The following ADCY8 variants were observed in gnomAD, a reference collection of about 807,000 sequenced individuals.
The protein encoded by ADCY8 is adenylate cyclase 8, also known as adenylate cyclase type 8.
In ADCY8, 51 loss-of-function variants were observed where a neutral mutation model predicts 119.7. The ratio of observed to expected loss-of-function variants is 0.43; its 90% CI spans 0.34 to 0.54. The LOEUF (loss-of-function observed/expected upper bound fraction) is 0.54, where lower values mean the gene tolerates loss of function less well. ADCY8 is among the 20% of genes least tolerant of loss of function. ADCY8 has a pLI of 0.03. For synonymous variants in ADCY8, 665 were observed against 651.0 expected, an observed-to-expected ratio of 1.02 and a Z score of -0.33; for missense variants, 1,383 against 1,598.8, an observed-to-expected ratio of 0.87 and a Z score of 2.30.
intron 9 of ADCY8, among the ~76,000 whole-genome samples, chr8:130,850,636 AG>A (rs970100928): frequency 6.6e-6 from 1 of 152,188 alleles, no homozygotes; most frequent in African/African-American, 2.4e-5. Context: ...CAGGTGTTAA[AG>A]GGTACCTTGA....
At chr8:131,006,727 A>G (rs1458291928) in intron 1 of ADCY8, among the ~76,000 whole-genome samples, 1 of 152,182 alleles carries the variant, frequency 6.6e-6, no homozygotes, top group Admixed American at 6.5e-5. Context: ...GGCAGGAAAC[A>G]CAAATAACAA....
chr8:130,833,907 T>C (rs1263319277), intron 12 of ADCY8, among the ~76,000 whole-genome samples: 1 of 152,078 alleles, frequency 6.6e-6, no homozygotes, highest in Non-Finnish European at 1.5e-5. Flanking sequence ...TGACATGAAA[T>C]TGAGGAGCTT....
At chr8:130,812,215 C>T (rs1282376132) in intron 14 of ADCY8, among the ~76,000 whole-genome samples, 1 of 152,162 alleles carries the variant, frequency 6.6e-6, no homozygotes, top group Admixed American at 6.5e-5. Context: ...GACTAGGTTA[C>T]ACTTAAAACT....
Position 131,011,557 on chromosome 8 carries a change from C to T in ADCY8, c.961-21015G>A, listed in dbSNP as rs576071452. ...TGGGACAGCAAGGGCTCTGCTTTAA[C>T]AACATTTAAGAGTGTTTCTTCTAAG... On this transcript the variant is annotated intron_variant, in intron 1 of 17. Coordinates refer to ENST00000286355, the MANE Select transcript of ADCY8 (RefSeq NM_001115.3). Among the ~76,000 whole-genome samples the T allele has an allele frequency of 2.6e-5, 4 of 152,288 alleles. No homozygotes were observed. In the East Asian group the frequency reaches 7.7e-4, roughly 29 times the overall value.
chr8:130,854,848 C>CCT (rs1482311252), intron 9 of ADCY8, among the ~76,000 whole-genome samples: 942 of 85,516 alleles, frequency 0.011, 32 homozygotes, highest in African/African-American at 0.018. Context: ...CCTTCCTTCC[C>CCT]TCCCTCCCTC....
rs1486746745 is a variant in ADCY8 at position 130,966,807 on chromosome 8, G to T, written c.1111-14809C>A. Among the ~76,000 whole-genome samples, 3 of 152,308 alleles carry T rather than the reference G, an allele frequency of 2.0e-5. No homozygotes were observed. The South Asian group carries it at 6.2e-4, about 32-fold the overall frequency. The stretch of plus-strand genomic sequence containing the variant: ...TAATAACATCTATTTTATAGGGTTG[G>T]TGTGGGATTAAATCAGTTAATATTT... On this transcript the variant is annotated intron_variant, in intron 2 of 17. Coordinates refer to ENST00000286355, the MANE Select transcript of ADCY8 (RefSeq NM_001115.3).
chr8:130,886,122 A>G (rs1034618077), intron 7 of ADCY8, among the ~76,000 whole-genome samples: 18 of 152,046 alleles, frequency 1.2e-4, no homozygotes, highest in African/African-American at 3.9e-4. Flanking sequence ...TTTAACCTTC[A>G]TGAAGGTAAT....
At chr8:130,901,235 CCCT>C (rs1158505793) in intron 7 of ADCY8, among the ~76,000 whole-genome samples, 11 of 142,062 alleles carry the variant, frequency 7.7e-5, no homozygotes, top group Non-Finnish European at 1.5e-4. Flanking sequence ...TTTTCCCCAT[CCCT>C]CCTCTTTTTT....
chr8:130,953,243 T>C (rs1249384849), intron 2 of ADCY8, among the ~76,000 whole-genome samples: 1 of 152,212 alleles, frequency 6.6e-6, no homozygotes, highest in African/African-American at 2.4e-5. Context: ...GGCATATCAC[T>C]ATAGAGAGAT....
chr8:130,891,797 A>C (rs1193307241), intron 7 of ADCY8, among the ~76,000 whole-genome samples: 1 of 152,148 alleles, frequency 6.6e-6, no homozygotes, highest in East Asian at 1.9e-4. Flanking sequence ...ACCCTGTCTT[A>C]TAACAAGTTT....
chr8:130,927,776 A>G (rs1586579005), intron 5 of ADCY8, among the ~76,000 whole-genome samples: 1 of 152,018 alleles, frequency 6.6e-6, no homozygotes, highest in African/African-American at 2.4e-5. Context: ...TTCCTTTCCA[A>G]TTTAGATGCC....
intron 7 of ADCY8, among the ~76,000 whole-genome samples, chr8:130,901,705 T>C (rs1819609118): frequency 6.6e-6 from 1 of 152,164 alleles, no homozygotes; most frequent in African/African-American, 2.4e-5. Context: ...TCCAAAATAT[T>C]ATTGGTGGCA....
At chr8:130,832,588 A>G (rs1816871374) in intron 12 of ADCY8, among the ~76,000 whole-genome samples, 1 of 152,166 alleles carries the variant, frequency 6.6e-6, no homozygotes, top group Non-Finnish European at 1.5e-5. Flanking sequence ...TATTGATTTC[A>G]TTCCATTGAT....
chr8:130,960,836 T>C (rs2130682190), intron 2 of ADCY8, among the ~76,000 whole-genome samples: 1 of 152,276 alleles, frequency 6.6e-6, no homozygotes, highest in South Asian at 2.1e-4. Flanking sequence ...TATGATCATA[T>C]GTCCAGTGTC....
intron 13 of ADCY8, among the ~76,000 whole-genome samples, chr8:130,816,457 G>A (rs770460517): frequency 1.6e-4 from 20 of 121,278 alleles, no homozygotes; most frequent in African/African-American, 2.6e-4. Flanking sequence ...ACAGAGTCTC[G>A]CTCTGTCGCC....
chr8:130,798,508 G>A (rs1815658770), intron 15 of ADCY8, among the ~76,000 whole-genome samples: 1 of 152,170 alleles, frequency 6.6e-6, no homozygotes, highest in East Asian at 1.9e-4. Context: ...CTGGCCAGGT[G>A]GCCTGCAGTA....
At chr8:131,000,201 C>T (rs193083770) in intron 1 of ADCY8, among the ~76,000 whole-genome samples, 5 of 152,160 alleles carry the variant, frequency 3.3e-5, no homozygotes, top group African/African-American at 9.6e-5. Flanking sequence ...GAATTGGGTA[C>T]AGGAGGGTGG....
chr8:130,973,977 T>C (rs558148108), intron 2 of ADCY8, among the ~76,000 whole-genome samples: 10 of 152,360 alleles, frequency 6.6e-5, no homozygotes, highest in African/African-American at 2.4e-4. Context: ...ACAATGCAGA[T>C]GACAGAACCA....
intron 8 of ADCY8, 31 bp downstream of exon 8, chr8:130,884,533 A>T: frequency 6.2e-7 from 1 of 1,610,916 alleles, no homozygotes; most frequent in East Asian, 2.2e-5. Context: ...ATTTACTCAG[A>T]AAAAGAGCCG....
Sources: gnomAD v4.1 joint callset for allele counts (sites outside exome capture counted in the v4.1 genomes callset) on GRCh38, gnomAD v4.1.1 for gene constraint, MANE v1.5 for transcripts, NCBI Gene and HGNC (gene_info 2026-07-23, HGNC 2026-07-21) for gene names.